The following MASTL variants were observed in gnomAD, a reference collection of about 807,000 sequenced individuals.
MASTL encodes serine/threonine-protein kinase greatwall.
Under a neutral mutation model 82.5 loss-of-function variants are expected in MASTL, and 54 were observed. The ratio of observed to expected loss-of-function variants is 0.65; its 90% CI spans 0.53 to 0.82. The LOEUF (loss-of-function observed/expected upper bound fraction) is 0.82. MASTL is among the 40% of genes least tolerant of loss of function. MASTL has a pLI of 0.00. For missense variants in MASTL, 950 were observed against 1,047.8 expected (o/e 0.91, Z 1.29); for synonymous variants, 323 against 368.9 (o/e 0.88, Z 1.43).
At chr10:27,181,178 A>C (rs1326911409) in intron 10 of MASTL, 112 bp downstream of exon 10, 1 of 770,240 alleles carries the variant, frequency 1.3e-6, no homozygotes, top group Non-Finnish European at 2.3e-6. Context: ...TGAGGTCAGG[A>C]GTTCGAGACC....
At chr10:27,168,977 A>G (rs1346133966) in intron 7 of MASTL, among the ~76,000 whole-genome samples, 6 of 152,148 alleles carry the variant, frequency 3.9e-5, no homozygotes, top group Non-Finnish European at 8.8e-5. Context: ...ATCACCAAGC[A>G]CCAATTTGCA....
In MASTL at chr10:27,173,559, C is replaced by CT. The variant is rs966531379; in HGVS notation, c.2266+307dup. Among the ~76,000 whole-genome samples, 4 of 151,860 alleles carry CT rather than the reference C, an allele frequency of 2.6e-5. No homozygotes were observed. In the South Asian group the frequency reaches 6.2e-4, roughly 24 times the overall value. On this transcript the variant is annotated intron_variant, in intron 9 of 11. Coordinates refer to ENST00000375940, the MANE Select transcript of MASTL (RefSeq NM_001172303.3). Reference sequence around the variant, plus strand: ...TGCCACCCTTGATATTATCTTATCTCTTTTTTTATTTTTTTATTTATTTTT... The same window carrying CT: ...TGCCACCCTTGATATTATCTTATCTCTTTTTTTTATTTTTTTATTTATTTTT...
Position 27,181,537 on chromosome 10 carries a change from A to T in MASTL, c.2438A>T (p.Glu813Val), listed in dbSNP as rs1474099427. The change falls in exon 11 of 12, where the codon GAA becomes GTA. Residue 813 changes from glutamate to valine, a missense_variant. By Grantham distance (121) the Glu-to-Val change is moderately radical (BLOSUM62 -2). Coordinates refer to ENST00000375940, the MANE Select transcript of MASTL (RefSeq NM_001172303.3). ...TCTGATAATGCTCAAAGTGCAGTAGAAATACTTTTAACCATTGATGATACA... is the reference window on the plus strand; with the variant it reads ...TCTGATAATGCTCAAAGTGCAGTAGTAATACTTTTAACCATTGATGATACA... ...KLSDNAQSAV[E>V]ILLTIDDTKR... 1 of 1,613,280 alleles carries T rather than the reference A, an allele frequency of 6.2e-7. No homozygotes were observed. Among genetic ancestry groups the T allele is most frequent in the South Asian group, 1.1e-5 (1 of 91,078 alleles).
rs1024571284 is a variant in MASTL, at chr10:27,164,986, A to G, written c.554-78A>G. 23 of 964,328 alleles carry G rather than the reference A, an allele frequency of 2.4e-5. No homozygotes were observed. In the African/African-American group the frequency reaches 3.3e-4, roughly 14 times the overall value. 59.7% of individuals were successfully genotyped at this position (964,328 alleles called of 1,614,324 possible). A position where few individuals can be genotyped will look rare whatever the true frequency, so the allele number is the denominator to read the frequency against. On this transcript the variant is annotated intron_variant, in intron 4 of 11. Transcript: ENST00000375940. ...GTTTACAAAAAATTGTTTTGTTGTC[A>G]TATACATAACATTCATTTTTAGTCA...
At chr10:27,162,053 A>G (rs1218083857) in intron 4 of MASTL, among the ~76,000 whole-genome samples, 1 of 152,258 alleles carries the variant, frequency 6.6e-6, no homozygotes, top group Non-Finnish European at 1.5e-5. Flanking sequence ...TTAAATGGGC[A>G]AAAGAAAGGA....
In MASTL at chr10:27,165,559, T is replaced by G; in HGVS notation, c.811+20T>G. ...AATCATGTGAGTATAAAAGAAAAGGTAGGCCAGGCGCAGAGGCTTACACCT... is the reference window on the plus strand; with the variant it reads ...AATCATGTGAGTATAAAAGAAAAGGGAGGCCAGGCGCAGAGGCTTACACCT... On this transcript the variant is annotated intron_variant, in intron 6 of 11. Coordinates refer to ENST00000375940, the MANE Select transcript of MASTL (RefSeq NM_001172303.3). 3 of 1,613,266 alleles carry G rather than the reference T, an allele frequency of 1.9e-6. No individual in the cohort carries two copies. The highest frequency in any genetic ancestry group is 2.5e-6 in the Non-Finnish European group (3 of 1,179,540).
rs922386126 is a variant in MASTL at position 27,155,423 on chromosome 10, A to G, written c.-4A>G. ...TCTGCGGGGCCGCTGTATGCTGTCC[A>G]GCGATGGATCCCACCGCGGGAAGCA... On this transcript the variant is annotated 5_prime_UTR_variant, in exon 1 of 12. Coordinates refer to ENST00000375940, the MANE Select transcript of MASTL (RefSeq NM_001172303.3). The G allele has an allele frequency of 1.2e-6, 2 of 1,605,888 alleles. No homozygotes were observed. The highest frequency in any genetic ancestry group is 1.1e-5 in the South Asian group (1 of 90,318).
At chr10:27,155,816 C>T (rs1229072083) in intron 1 of MASTL, among the ~76,000 whole-genome samples, 1 of 152,106 alleles carries the variant, frequency 6.6e-6, no homozygotes, top group Non-Finnish European at 1.5e-5. Context: ...TCCGCCCTTC[C>T]CTCCATATCT....
At chr10:27,160,159 CTTTTTTTTTTTTTTT>C (rs58196933) in intron 3 of MASTL, among the ~76,000 whole-genome samples, 11 of 40,604 alleles carry the variant, frequency 2.7e-4, no homozygotes, top group East Asian at 1.5e-3. Flanking sequence ...TTACTCTTGG[CTTTTTTTTTTTTTTT>C]TTTTTTTTTT....
chr10:27,154,509 C>T (rs574072415), upstream of MASTL: 2 of 515,528 alleles, frequency 3.9e-6, no homozygotes, highest in Non-Finnish European at 6.9e-6. Flanking sequence ...AGCAGCGCCC[C>T]CAAAGGTCTT....
intron 9 of MASTL, among the ~76,000 whole-genome samples, chr10:27,179,105 A>C (rs1411706081): frequency 1.3e-5 from 2 of 152,222 alleles, no homozygotes; most frequent in African/African-American, 4.8e-5. Context: ...ACTTTCAGGC[A>C]AATTTAGCAC....
Position 27,186,697 on chromosome 10 carries a change from A to T in MASTL, c.*161A>T, listed in dbSNP as rs1377245090. Reference sequence around the variant, plus strand: ...CAGCTTTCACAGAGTTAAAAGGCTGAAAGGAATATAGTCAGTAATTTATCT... The same window carrying T: ...CAGCTTTCACAGAGTTAAAAGGCTGTAAGGAATATAGTCAGTAATTTATCT... On this transcript the variant is annotated 3_prime_UTR_variant, in exon 12 of 12. Transcript: ENST00000375940. The T allele has an allele frequency of 4.0e-5, 28 of 691,412 alleles. No homozygotes were observed. The highest frequency in any genetic ancestry group is 6.9e-5 in the Non-Finnish European group (27 of 392,088). 42.8% of individuals were successfully genotyped at this position (691,412 alleles called of 1,614,324 possible).
At chr10:27,175,445 G>A (rs2136116978) in intron 9 of MASTL, among the ~76,000 whole-genome samples, 1 of 152,272 alleles carries the variant, frequency 6.6e-6, no homozygotes, top group South Asian at 2.1e-4. Context: ...GCCTTCTGAA[G>A]TGCTGGGATT....
intron 8 of MASTL, among the ~76,000 whole-genome samples, chr10:27,172,468 A>C (rs1157313934): frequency 6.6e-6 from 1 of 152,134 alleles, no homozygotes; most frequent in African/African-American, 2.4e-5. Flanking sequence ...CAGCCTGACC[A>C]ACATGGAGAA....
At chr10:27,181,617 A>AT (rs1212168357) in intron 11 of MASTL, 36 bp downstream of exon 11, 3 of 1,474,376 alleles carry the variant, frequency 2.0e-6, no homozygotes, top group Admixed American at 1.7e-5. Context: ...TTTACCATTG[A>AT]TTTTTTGCAG....
chr10:27,186,256 G>A lies in MASTL; in HGVS notation c.2483-123G>A, dbSNP rs181390916. On this transcript the variant is annotated intron_variant, in intron 11 of 11. Coordinates refer to ENST00000375940, the MANE Select transcript of MASTL (RefSeq NM_001172303.3). ...TAACAGACATTAAACAAATGTCTGT[G>A]AAACTGACATAATAAAGTAAGGTAA... 6 of 1,012,454 alleles carry A rather than the reference G, an allele frequency of 5.9e-6. No homozygotes were observed. The South Asian group carries it at 8.1e-5, about 14-fold the overall frequency. 62.7% of individuals were successfully genotyped at this position (1,012,454 alleles called of 1,614,324 possible).
chr10:27,165,959 C>A (rs563515707), intron 6 of MASTL, among the ~76,000 whole-genome samples: 3 of 151,958 alleles, frequency 2.0e-5, no homozygotes, highest in African/African-American at 4.8e-5. Flanking sequence ...TGACACCCAG[C>A]AGTTTGGGCA....
In MASTL at chr10:27,181,525, A is replaced by G; in HGVS notation, c.2426A>G (p.Gln809Arg). The change falls in exon 11 of 12, where the codon CAA becomes CGA. Residue 809 changes from glutamine to arginine, a missense_variant. Transcript: ENST00000375940. ...EGEEKLSDNA[Q>R]SAVEILLTID... ...GAAGAAAAGTTATCTGATAATGCTC[A>G]AAGTGCAGTAGAAATACTTTTAACC... The G allele has an allele frequency of 6.2e-7, 1 of 1,613,450 alleles. No homozygotes were observed. Among genetic ancestry groups the G allele is most frequent in the Non-Finnish European group, 8.5e-7 (1 of 1,179,428 alleles).
chr10:27,171,825 C>CTTTTTTTTTTT (rs112511530), intron 8 of MASTL, among the ~76,000 whole-genome samples: 1 of 93,558 alleles, frequency 1.1e-5, no homozygotes, highest in Non-Finnish European at 1.9e-5. Context: ...AAATATGTTT[C>CTTTTTTTTTTT]TTTTTTTTTT....
Sources: gnomAD v4.1 joint callset for allele counts (sites outside exome capture counted in the v4.1 genomes callset) on GRCh38, gnomAD v4.1.1 for gene constraint, MANE v1.5 for transcripts, NCBI Gene and HGNC (gene_info 2026-07-23, HGNC 2026-07-21) for gene names.